CD163L1: variants seen among roughly 807,000 people sequenced by gnomAD.
CD163L1 encodes the protein CD163 molecule like 1.
A neutral mutation model predicts 165.4 loss-of-function variants in CD163L1; 124 were observed. The observed-to-expected ratio is 0.75, with a 90% confidence interval of 0.65 to 0.87. CD163L1 has a LOEUF of 0.87. CD163L1 is among the 40% of genes least tolerant of loss of function. The pLI, the probability that CD163L1 is intolerant of heterozygous loss-of-function variation, is 0.00. For synonymous variants in CD163L1, 585 were observed against 662.2 expected (o/e 0.88, Z 1.79); for missense variants, 1,525 against 1,799.9 (o/e 0.85, Z 2.76).
intron 2 of CD163L1, chr12:7,438,790 G>A (rs1948773746): frequency 2.7e-6 from 4 of 1,492,832 alleles, no homozygotes; most frequent in Admixed American, 4.2e-5. Flanking sequence ...CCTCGGCTGA[G>A]TCCATGGACC....
intron 6 of CD163L1, 124 bp downstream of exon 6, chr12:7,403,411 A>T: frequency 2.3e-6 from 2 of 870,446 alleles, no homozygotes; most frequent in Non-Finnish European, 3.4e-6. Context: ...TGTGCAGCTT[A>T]AGAGTATTTT....
chr12:7,324,292 C>T, the CD163L1 span: 2 of 1,612,988 alleles, frequency 1.2e-6, no homozygotes. Flanking sequence ...CAGAAAACTG[C>T]TGCCACGATA....
In CD163L1 at chr12:7,369,699, C is replaced by T; in HGVS notation, c.3731-34G>A. The T allele has an allele frequency of 6.3e-7, 1 of 1,581,130 alleles. No individual in the cohort carries two copies. The highest frequency in any genetic ancestry group is 8.6e-7 in the Non-Finnish European group (1 of 1,156,894). ...GCACAAAACATGGCTGTCTTTACTCCTGAAGGAGGTTGTGGGAGAATGCTG... is the reference window on the plus strand; with the variant it reads ...GCACAAAACATGGCTGTCTTTACTCTTGAAGGAGGTTGTGGGAGAATGCTG... On this transcript the variant is annotated intron_variant, in intron 14 of 19. Transcript: ENST00000313599. This position sits in a 1 kb window ranked among gnomAD's most constrained non-coding sequence, Gnocchi z 4.9.
At chr12:7,434,842 T>C (rs1423902366) in intron 2 of CD163L1, among the ~76,000 whole-genome samples, 1 of 152,178 alleles carries the variant, frequency 6.6e-6, no homozygotes, top group Non-Finnish European at 1.5e-5. Flanking sequence ...ATATTCTTTC[T>C]GAAAGTGGAT....
intron 18 of CD163L1, among the ~76,000 whole-genome samples, chr12:7,366,858 A>G (rs1188070914): frequency 1.3e-5 from 2 of 152,204 alleles, no homozygotes; most frequent in Non-Finnish European, 2.9e-5. Context: ...AGATTCAAGG[A>G]ACTTAGCCAC....
chr12:7,364,865 G>T (rs1054825519), intron 18 of CD163L1, among the ~76,000 whole-genome samples: 2 of 152,068 alleles, frequency 1.3e-5, no homozygotes, highest in Non-Finnish European at 2.9e-5. Context: ...GCAATTTACG[G>T]ATTCAACGCA....
At chr12:7,324,832 TA>T in the CD163L1 span, among the ~76,000 whole-genome samples, 15,605 of 136,172 alleles carry the variant, frequency 0.11, 774 homozygotes, top group East Asian at 0.19. Flanking sequence ...TGCCTTAAGT[TA>T]AAAAAAAAAA....
chr12:7,336,064 T>G, the CD163L1 span, among the ~76,000 whole-genome samples: 3 of 144,472 alleles, frequency 2.1e-5, no homozygotes, highest in Non-Finnish European at 3.0e-5. Context: ...TTGGTGGGAC[T>G]GTAAACTAGT....
chr12:7,443,529 T>C (rs1948855617), intron 1 of CD163L1, among the ~76,000 whole-genome samples: 1 of 152,208 alleles, frequency 6.6e-6, no homozygotes, highest in Admixed American at 6.5e-5. Context: ...TTGTTCTTTG[T>C]TTTTTATCAT....
chr12:7,327,102 G>A, the CD163L1 span: 2 of 1,592,560 alleles, frequency 1.3e-6, no homozygotes, highest in Non-Finnish European at 1.7e-6. Context: ...AAAGGCAAGT[G>A]CTTTGCCCAA....
the CD163L1 span, among the ~76,000 whole-genome samples, chr12:7,336,652 G>T: frequency 6.6e-6 from 1 of 151,890 alleles, no homozygotes; most frequent in Non-Finnish European, 1.5e-5. Flanking sequence ...AAAACTTAAA[G>T]TATAATAATA....
intron 8 of CD163L1, among the ~76,000 whole-genome samples, chr12:7,393,040 GA>G (rs772003510): frequency 6.6e-6 from 1 of 151,358 alleles, no homozygotes; most frequent in Non-Finnish European, 1.5e-5. Context: ...CTAATCAACA[GA>G]AAAAAAAGGA....
chr12:7,393,744 G>A (rs1389897095), intron 8 of CD163L1, among the ~76,000 whole-genome samples: 2 of 152,108 alleles, frequency 1.3e-5, no homozygotes, highest in African/African-American at 2.4e-5. Flanking sequence ...CAAAATCAAT[G>A]TTCAAAAACC....
intron 2 of CD163L1, chr12:7,438,744 A>C (rs1565820968): frequency 6.6e-6 from 8 of 1,212,252 alleles, no homozygotes; most frequent in Non-Finnish European, 9.2e-6. Flanking sequence ...TGGCCACTCA[A>C]CACGGGTTTT....
Position 7,406,680 on chromosome 12 carries a change from G to A in CD163L1, c.939C>T (p.Gly313=), listed in dbSNP as rs201378543. 9.3e-6 allele frequency: 15 copies of A among 1,614,106 alleles called. No individual in the cohort carries two copies. The Admixed American group carries it at 1.5e-4, about 16-fold the overall frequency. The change falls in exon 5 of 20, where the codon GGC becomes GGT. Residue 313 remains glycine (G), a synonymous_variant. Transcript: ENST00000313599. The part of the protein sequence containing the change: ...LGCGTALHFA[G]LPHLQSGSDV... ...CAGACCCTGACTGCAAATGAGGCAA[G>A]CCAGCGAAGTGAAGTGCGGTTCCAC... is the stretch of plus-strand genomic sequence containing the variant.
rs1414167484 is a variant in CD163L1 at position 7,357,483 on chromosome 12, T to G, written c.4283A>C (p.Asp1428Ala). Residue 1428 changes from aspartate to alanine, a missense_variant, in exon 19 of 20, where the codon GAC becomes GCC. Coordinates refer to ENST00000313599, the MANE Select transcript of CD163L1 (RefSeq NM_174941.6). ...ATCTTCACAACCATGGTTGGGGGTG[T>G]CATCTGAAAGAAAGGCAAAATCTGT... is the stretch of plus-strand genomic sequence containing the variant. ...EDPHGTRTSD[D>A]TPNHGCEDAS... 3.1e-6 allele frequency: 5 copies of G among 1,612,228 alleles called. No homozygotes were observed. Among genetic ancestry groups the G allele is most frequent in the Non-Finnish European group, 4.2e-6 (5 of 1,178,852 alleles).
chr12:7,419,617 C>T (rs1948310345), intron 4 of CD163L1, among the ~76,000 whole-genome samples: 1 of 151,984 alleles, frequency 6.6e-6, no homozygotes, highest in Admixed American at 6.6e-5. Context: ...TAAAGACCTC[C>T]AACAAAAAGC....
chr12:7,421,036 CGT>C (rs1491331878), intron 4 of CD163L1, among the ~76,000 whole-genome samples: 4 of 61,658 alleles, frequency 6.5e-5, no homozygotes, highest in African/African-American at 6.2e-4. Flanking sequence ...TATATATATA[CGT>C]GTATATATAT....
chr12:7,408,837 T>A (rs919938033), intron 4 of CD163L1, among the ~76,000 whole-genome samples: 1 of 152,214 alleles, frequency 6.6e-6, no homozygotes, highest in African/African-American at 2.4e-5. Flanking sequence ...AGTTTTGTAC[T>A]TGTACTTTTT....
Sources: allele counts gnomAD v4.1 joint callset (sites outside exome capture counted in the v4.1 genomes callset), GRCh38; gene constraint gnomAD v4.1.1; non-coding constraint Gnocchi (gnomAD v3.1); transcripts MANE v1.5; gene names NCBI Gene and HGNC (gene_info 2026-07-23, HGNC 2026-07-21).